Variants in INSR observed in about 807,000 individuals in gnomAD.
INSR encodes IR.
INSR carries 67 observed loss-of-function variants against 142.6 expected under a neutral mutation model. The observed-to-expected ratio is 0.47, with a 90% CI of 0.39 to 0.58. INSR has a LOEUF of 0.58. Ranked by LOEUF, INSR falls within the 20% of genes least tolerant of loss-of-function variation. The probability of loss-of-function intolerance (pLI) is 0.00; values close to 1 mark genes in which losing one functional copy is unlikely to be tolerated. For missense variants in INSR, 1,248 were observed against 1,833.2 expected, an observed-to-expected ratio of 0.68 and a Z score of 5.83; for synonymous variants, 756 against 743.1, an observed-to-expected ratio of 1.02 and a Z score of -0.28.
chr19:7,118,656 C>A (rs1379679039), intron 21 of INSR, among the ~76,000 whole-genome samples: 1 of 151,176 alleles, frequency 6.6e-6, no homozygotes, highest in Non-Finnish European at 1.5e-5. Flanking sequence ...AATTAACAGG[C>A]GGCTGTAATC....
At chr19:7,264,927 T>C (rs1253963935) in intron 2 of INSR, among the ~76,000 whole-genome samples, 1 of 151,826 alleles carries the variant, frequency 6.6e-6, no homozygotes, top group African/African-American at 2.4e-5. Context: ...TCCAAGGGAG[T>C]CCTCACAGAC....
intron 2 of INSR, among the ~76,000 whole-genome samples, chr19:7,209,146 C>T (rs974988420): frequency 6.6e-6 from 1 of 152,048 alleles, no homozygotes; most frequent in Non-Finnish European, 1.5e-5. Flanking sequence ...GGCGACAGAG[C>T]AAGATTCCAT....
chr19:7,200,895 C>T lies in INSR; in HGVS notation c.653-16258G>A, dbSNP rs77928214. ...AAAAAAAAAAAAGGCTGAAGAGCCA[C>T]ACTTCCACACAAAAATGGTTGTGTT... On this transcript the variant is annotated intron_variant, in intron 2 of 21. Transcript: ENST00000302850. 2.9e-3 allele frequency among the ~76,000 whole-genome samples: 428 copies of T among 148,672 alleles called. 4 individuals carry two copies. The highest frequency in any genetic ancestry group is 0.01 in the African/African-American group (415 of 40,186).
chr19:7,170,821 T>G (rs1974000452), intron 5 of INSR, 70 bp from the exon 6 acceptor site: 2 of 1,215,246 alleles, frequency 1.6e-6, no homozygotes, highest in South Asian at 2.4e-5. Context: ...GGTGTGGCCA[T>G]GCTCGGAGTT....
At chr19:7,212,013 C>T (rs1032811352) in intron 2 of INSR, among the ~76,000 whole-genome samples, 1 of 152,128 alleles carries the variant, frequency 6.6e-6, no homozygotes, top group African/African-American at 2.4e-5. Flanking sequence ...GTTTCTCAGC[C>T]TCAGGACTGG....
At position 7,213,162 on chromosome 19, in the gene INSR, G is replaced by A. The variant is rs549718588; in HGVS notation, c.653-28525C>T. 8.6e-5 allele frequency among the ~76,000 whole-genome samples: 13 copies of A among 152,002 alleles called. No individual in the cohort carries two copies. In the South Asian group the frequency reaches 1.5e-3, roughly 17 times the overall value. On this transcript the variant is annotated intron_variant, in intron 2 of 21. Coordinates refer to ENST00000302850, the MANE Select transcript of INSR (RefSeq NM_000208.4). The stretch of plus-strand genomic sequence containing the variant: ...AGATCGAGACCATCCTGGCTAACAC[G>A]GTGAAACCCTGTCTCTACTAAAAAT...
intron 3 of INSR, among the ~76,000 whole-genome samples, chr19:7,183,443 A>C (rs886362048): frequency 6.6e-6 from 1 of 152,168 alleles, no homozygotes; most frequent in Non-Finnish European, 1.5e-5. Context: ...ACTCTGTCGA[A>C]GAGAGAAAAC....
intron 2 of INSR, among the ~76,000 whole-genome samples, chr19:7,263,108 T>A (rs1415243858): frequency 6.6e-6 from 1 of 152,024 alleles, no homozygotes; most frequent in Non-Finnish European, 1.5e-5. Context: ...CAAAGCCCCC[T>A]CTGTCCTGAA....
chr19:7,265,092 C>G (rs562175225), intron 2 of INSR, among the ~76,000 whole-genome samples: 8 of 152,312 alleles, frequency 5.3e-5, no homozygotes, highest in African/African-American at 1.9e-4. Context: ...TTCTTCCCAC[C>G]TCCATCGCAT....
rs772412084 is a variant in INSR at position 7,267,616 on chromosome 19, G to A, written c.381C>T (p.His127=). Residue 127 remains histidine (H), a synonymous_variant, in exon 2 of 22, where the codon CAC becomes CAT. Coordinates refer to ENST00000302850, the MANE Select transcript of INSR (RefSeq NM_000208.4). This position sits in a 1 kb window ranked among gnomAD's most constrained non-coding sequence, Gnocchi z 6.3. ...GGTTGTAGAGGCCGAGTTCCTTGAG[G>A]TGAACCATCTCGAAGATGACCAGCG... ...NYALVIFEMV[H]LKELGLYNLM... 2 of 1,614,026 alleles carry A rather than the reference G, an allele frequency of 1.2e-6. No homozygotes were observed. Among genetic ancestry groups the A allele is most frequent in the Non-Finnish European group, 1.7e-6 (2 of 1,179,950 alleles).
intron 4 of INSR, 49 bp downstream of exon 4, chr19:7,174,534 G>A: frequency 6.2e-7 from 1 of 1,607,996 alleles, no homozygotes; most frequent in Non-Finnish European, 8.5e-7. Context: ...CAGCTCAGAG[G>A]GACATGGAGC....
chr19:7,121,811 C>T (rs113779873), intron 19 of INSR, among the ~76,000 whole-genome samples: 2 of 152,308 alleles, frequency 1.3e-5, no homozygotes, highest in Non-Finnish European at 2.9e-5. Context: ...TTTATCAATA[C>T]ATGCAATTAA....
At chr19:7,126,544 G>T in intron 16 of INSR, 40 bp downstream of exon 16, 1 of 1,511,406 alleles carries the variant, frequency 6.6e-7, no homozygotes, top group Non-Finnish European at 9.0e-7. Flanking sequence ...AAGCTGATGA[G>T]TAGGGTTCTG....
chr19:7,210,958 G>A (rs984480073), intron 2 of INSR, among the ~76,000 whole-genome samples: 3 of 152,100 alleles, frequency 2.0e-5, no homozygotes, highest in Non-Finnish European at 4.4e-5. Flanking sequence ...TCTAACTCCT[G>A]ACCTCAAGTG....
chr19:7,264,425 T>C (rs936559499), intron 2 of INSR, among the ~76,000 whole-genome samples: 1 of 152,176 alleles, frequency 6.6e-6, no homozygotes, highest in Non-Finnish European at 1.5e-5. Context: ...TTCTGGATAT[T>C]TTGTCTAAAA....
At chr19:7,265,917 A>G (rs1334161039) in intron 2 of INSR, among the ~76,000 whole-genome samples, 1 of 152,140 alleles carries the variant, frequency 6.6e-6, no homozygotes, top group African/African-American at 2.4e-5. Context: ...GAACAACAAA[A>G]ACAACAAAAT....
At chr19:7,199,202 C>T (rs1290063476) in intron 2 of INSR, among the ~76,000 whole-genome samples, 1 of 152,006 alleles carries the variant, frequency 6.6e-6, no homozygotes, top group Non-Finnish European at 1.5e-5. Flanking sequence ...GCAGCACACA[C>T]GGTCCAATCC....
chr19:7,226,497 A>G (rs908820483), intron 2 of INSR, among the ~76,000 whole-genome samples: 7 of 151,364 alleles, frequency 4.6e-5, no homozygotes, highest in African/African-American at 1.7e-4. Context: ...AGGCCGAGGC[A>G]GGAGAGTTGC....
In INSR at chr19:7,172,425, G is replaced by C; in HGVS notation, c.1133C>G (p.Ala378Gly). 6.2e-7 allele frequency: 1 copy of C among 1,613,912 alleles called. No homozygotes were observed. The highest frequency in any genetic ancestry group is 8.5e-7 in the Non-Finnish European group (1 of 1,179,916). Reference sequence around the variant, plus strand: ...GCCGAGGTTGGCTTCTAGCTCAGCTGCCAGATTGTCTAAGGAAAGGAGAGA... The same window carrying C: ...GCCGAGGTTGGCTTCTAGCTCAGCTCCCAGATTGTCTAAGGAAAGGAGAGA... ...IINIRGGNNL[A>G]AELEANLGLI... Residue 378 changes from alanine (A) to glycine (G), a missense_variant, in exon 5 of 22, where the codon GCA becomes GGA. Ala to Gly is a moderately conservative substitution (Grantham distance 60, BLOSUM62 0). Transcript: ENST00000302850.
Sources: gnomAD v4.1 joint callset for allele counts (sites outside exome capture counted in the v4.1 genomes callset) on GRCh38, gnomAD v4.1.1 for gene constraint, Gnocchi (gnomAD v3.1) non-coding constraint, MANE v1.5 for transcripts, NCBI Gene and HGNC (gene_info 2026-07-23, HGNC 2026-07-21) for gene names.